The following ST3GAL2 variants were observed in gnomAD, a reference collection of about 807,000 sequenced individuals.
ST3GAL2 encodes the protein CMP-N-acetylneuraminate-beta-galactosamide-alpha-2,3-sialyltransferase 2.
Under a neutral mutation model 37.5 loss-of-function variants are expected in ST3GAL2, and 16 were observed. The observed-to-expected ratio is 0.43, with a 90% CI of 0.29 to 0.65. ST3GAL2 has a LOEUF of 0.65. Among genes scored for constraint, ST3GAL2 ranks in the 30% least tolerant of loss-of-function variants. The pLI is 0.17. For missense variants in ST3GAL2, 383 were observed against 487.8 expected (o/e 0.79, Z 2.02); for synonymous variants, 238 against 202.9 (o/e 1.17, Z -1.47).
At chr16:70,396,315 A>G (rs76786946) in intron 2 of ST3GAL2, among the ~76,000 whole-genome samples, 1 of 148,182 alleles carries the variant, frequency 6.7e-6, no homozygotes, top group African/African-American at 2.5e-5. Context: ...AAAAAAAAAA[A>G]CCCACATAAA....
rs1479199477 is a variant in ST3GAL2, at chr16:70,381,610, G to A, written c.*79C>T. 10 of 1,526,418 alleles carry A rather than the reference G, an allele frequency of 6.6e-6. No homozygotes were observed. The South Asian group carries it at 8.5e-5, about 13-fold the overall frequency. The allele number at this position is 1,526,418 out of a possible 1,614,324, so 94.6% of individuals were successfully genotyped here. ...CCCCTGGGCTGCAGCATGATTGGTC[G>A]CGGGTTGCTGGTCCTGGGTCCCGGG... On this transcript the variant is annotated 3_prime_UTR_variant, in exon 7 of 7. Transcript: ENST00000342907.
intron 2 of ST3GAL2, among the ~76,000 whole-genome samples, chr16:70,396,135 C>T (rs2047514661): frequency 6.6e-6 from 1 of 151,866 alleles, no homozygotes; most frequent in South Asian, 2.1e-4. Context: ...CCATACCCTA[C>T]TAATTTTGTA....
intron 1 of ST3GAL2, among the ~76,000 whole-genome samples, chr16:70,401,861 G>A (rs2047557642): frequency 6.6e-6 from 1 of 151,660 alleles, no homozygotes. Flanking sequence ...AGGCGTTGTG[G>A]TGGCCACCTA....
rs1454729972 is a variant in ST3GAL2, at chr16:70,431,985, A to ATATATATATTTT, written c.-1004+6963_-1004+6964insAAAATATATATA. 1.0e-3 allele frequency among the ~76,000 whole-genome samples: 145 copies of ATATATATATTTT among 139,042 alleles called. 1 individual carries two copies. The highest frequency in any genetic ancestry group is 4.5e-3 in the African/African-American group (142 of 31,366). 91.2% of individuals were successfully genotyped at this position (139,042 alleles called of 152,430 possible). ...TCTTAAAAAAAATATATATATATAT[A>ATATATATATTTT]TTTTTTTTTAACTTAGCTGGGCACA... On this transcript the variant is annotated intron_variant, in intron 1 of 6. Transcript: ENST00000342907.
chr16:70,382,709 C>T, intron 6 of ST3GAL2, 96 bp downstream of exon 6: 1 of 1,567,748 alleles, frequency 6.4e-7, no homozygotes, highest in Non-Finnish European at 8.7e-7. Flanking sequence ...ATTCTGCCTA[C>T]AGAAGCACAT....
rs2047405324 is a variant in ST3GAL2, at chr16:70,381,593, C to T, written c.*96G>A. The T allele has an allele frequency of 8.7e-5, 127 of 1,462,542 alleles. No individual in the cohort carries two copies. The highest frequency in any genetic ancestry group is 1.1e-4 in the Non-Finnish European group (124 of 1,089,228). The allele number at this position is 1,462,542 out of a possible 1,614,324, so 90.6% of individuals were successfully genotyped here. On this transcript the variant is annotated 3_prime_UTR_variant, in exon 7 of 7. Coordinates refer to ENST00000342907, the MANE Select transcript of ST3GAL2 (RefSeq NM_006927.4). ...GCGGGGCACAGCAGACGCCCCTGGGCTGCAGCATGATTGGTCGCGGGTTGC... is the reference window on the plus strand; with the variant it reads ...GCGGGGCACAGCAGACGCCCCTGGGTTGCAGCATGATTGGTCGCGGGTTGC...
At chr16:70,426,790 G>A (rs1451349272) in intron 1 of ST3GAL2, among the ~76,000 whole-genome samples, 3 of 152,166 alleles carry the variant, frequency 2.0e-5, no homozygotes, top group East Asian at 1.9e-4. Context: ...AATTATAGGC[G>A]TGAGCCACCG....
intron 3 of ST3GAL2, among the ~76,000 whole-genome samples, chr16:70,394,031 G>C (rs1009914182): frequency 1.1e-4 from 16 of 152,146 alleles, no homozygotes; most frequent in African/African-American, 3.9e-4. Context: ...AGTCAAGGGG[G>C]GATGTCAGAA....
At chr16:70,402,813 C>T (rs916980539) in intron 1 of ST3GAL2, among the ~76,000 whole-genome samples, 1 of 152,220 alleles carries the variant, frequency 6.6e-6, no homozygotes, top group Non-Finnish European at 1.5e-5. Context: ...CCACACCCAG[C>T]TAATTTTTTG....
Position 70,377,745 on chromosome 16 carries a change from C to G in ST3GAL2, c.*3944G>C, listed in dbSNP as rs1243265883. 1 of 152,228 alleles carries G rather than the reference C, an allele frequency of 6.6e-6. No individual in the cohort carries two copies. Among genetic ancestry groups the G allele is most frequent in the African/African-American group, 2.4e-5 (1 of 41,402 alleles). The allele number at this position is 152,228 out of a possible 1,614,324, so 9.4% of individuals were successfully genotyped here. A position where few individuals can be genotyped will look rare whatever the true frequency, so the allele number is the denominator to read the frequency against. ...GGCTGAGGCAGGAGAATCGCTTGAA[C>G]CCAGGAGGCACAGGTTGCAGTGAGC... On this transcript the variant is annotated 3_prime_UTR_variant, in exon 7 of 7. Transcript: ENST00000342907.
chr16:70,395,704 T>A (rs2047511191), intron 2 of ST3GAL2, among the ~76,000 whole-genome samples: 1 of 152,188 alleles, frequency 6.6e-6, no homozygotes. Flanking sequence ...TGTCCCCTCC[T>A]ACCAGCGAGA....
At chr16:70,425,542 C>G (rs761150507) in intron 1 of ST3GAL2, among the ~76,000 whole-genome samples, 1 of 152,006 alleles carries the variant, frequency 6.6e-6, no homozygotes, top group Non-Finnish European at 1.5e-5. Flanking sequence ...TGCCATAGTT[C>G]TACTGCCATT....
intron 1 of ST3GAL2, among the ~76,000 whole-genome samples, chr16:70,426,185 T>C (rs990896061): frequency 1.6e-5 from 2 of 128,666 alleles, no homozygotes; most frequent in Admixed American, 7.6e-5. Flanking sequence ...CAAAGCCTTT[T>C]TTTTTTTTTT....
At chr16:70,429,638 C>CTTTTTTTTTTTTT (rs1027728995) in intron 1 of ST3GAL2, among the ~76,000 whole-genome samples, 1 of 90,004 alleles carries the variant, frequency 1.1e-5, no homozygotes. Flanking sequence ...GCTTTAAATT[C>CTTTTTTTTTTTTT]TTTTTTTTTT....
At position 70,414,850 on chromosome 16, in the gene ST3GAL2, A is replaced by ATTAT. The variant is rs144473226; in HGVS notation, c.-1003-15321_-1003-15318dup. The stretch of plus-strand genomic sequence containing the variant: ...ACCACGCCCAGATAATTTTTCTATT[A>ATTAT]TTATTTATTTATTTATTTATTTATT... On this transcript the variant is annotated intron_variant, in intron 1 of 6. Coordinates refer to ENST00000342907, the MANE Select transcript of ST3GAL2 (RefSeq NM_006927.4). Among the ~76,000 whole-genome samples, 452 of 149,842 alleles carry ATTAT rather than the reference A, an allele frequency of 3.0e-3. 3 individuals are homozygous for ATTAT. Among genetic ancestry groups the ATTAT allele is most frequent in the South Asian group, 3.4e-3 (16 of 4,770 alleles).
chr16:70,418,542 G>A (rs1021070658), intron 1 of ST3GAL2, among the ~76,000 whole-genome samples: 1 of 152,152 alleles, frequency 6.6e-6, no homozygotes, highest in African/African-American at 2.4e-5. Context: ...GGGGCTTCAA[G>A]GAGGAAAAGG....
chr16:70,428,597 A>C (rs1365462668), intron 1 of ST3GAL2, among the ~76,000 whole-genome samples: 2 of 152,060 alleles, frequency 1.3e-5, no homozygotes, highest in Non-Finnish European at 2.9e-5. Context: ...CCTCTATCCT[A>C]TCCCTCCCTC....
At chr16:70,415,316 C>T (rs1380513295) in intron 1 of ST3GAL2, among the ~76,000 whole-genome samples, 1 of 152,204 alleles carries the variant, frequency 6.6e-6, no homozygotes, top group Non-Finnish European at 1.5e-5. Context: ...TCTGCAGCTG[C>T]ATTCCTGAAC....
At chr16:70,399,562 G>A (rs1027885329) in intron 1 of ST3GAL2, 29 bp from the exon 2 acceptor site, 3 of 397,538 alleles carry the variant, frequency 7.5e-6, no homozygotes, top group Non-Finnish European at 8.8e-6. Context: ...GAAATAATGT[G>A]CGGATGAATC....
Sources: gnomAD v4.1 joint callset for allele counts (sites outside exome capture counted in the v4.1 genomes callset) on GRCh38, gnomAD v4.1.1 for gene constraint, MANE v1.5 for transcripts, NCBI Gene and HGNC (gene_info 2026-07-23, HGNC 2026-07-21) for gene names.